Variants in CHLSN observed in about 807,000 individuals in gnomAD.
CHLSN encodes the protein cholesin, also known as protein cholesin.
chr7:1,009,946 T>C, the CHLSN span: 39 of 1,544,966 alleles, frequency 2.5e-5, no homozygotes, highest in Non-Finnish European at 3.4e-5. Context: ...GCAGGGCCGC[T>C]CACCTGCAGA....
the CHLSN span, among the ~76,000 whole-genome samples, chr7:1,121,121 C>T: frequency 8.9e-4 from 135 of 152,338 alleles, no homozygotes; most frequent in African/African-American, 3.0e-3. Flanking sequence ...GCTGCCTACG[C>T]GGGCTTCAGG....
the CHLSN span, chr7:1,045,534 G>A: frequency 6.6e-6 from 1 of 152,244 alleles, no homozygotes; most frequent in Admixed American, 6.5e-5. Context: ...GAGTAAAATG[G>A]TTCTGACCAT....
At chr7:1,053,977 G>A in the CHLSN span, among the ~76,000 whole-genome samples, 9 of 152,340 alleles carry the variant, frequency 5.9e-5, no homozygotes, top group South Asian at 2.1e-4. Flanking sequence ...GAGAGGAGGC[G>A]GGTCAAGGAG....
the CHLSN span, among the ~76,000 whole-genome samples, chr7:1,112,898 C>T: frequency 0.024 from 3,673 of 152,130 alleles, 51 homozygotes; most frequent in Non-Finnish European, 0.029. Context: ...TACCCCAGAG[C>T]GATGGAAACG....
chr7:997,111 A>G, the CHLSN span: 1 of 152,800 alleles, frequency 6.5e-6, no homozygotes, highest in African/African-American at 2.4e-5. Flanking sequence ...CATGACCCGC[A>G]ATGACGCTGT....
the CHLSN span, among the ~76,000 whole-genome samples, chr7:994,694 C>T: frequency 6.6e-6 from 1 of 152,216 alleles, no homozygotes; most frequent in East Asian, 1.9e-4. Flanking sequence ...CCCGCCTCTG[C>T]CTCCCAAAGT....
the CHLSN span, among the ~76,000 whole-genome samples, chr7:1,126,858 T>C: frequency 6.6e-6 from 1 of 152,100 alleles, no homozygotes; most frequent in African/African-American, 2.4e-5. Flanking sequence ...CACGAACATT[T>C]CTAGATGTGC....
the CHLSN span, among the ~76,000 whole-genome samples, chr7:999,336 G>A: frequency 7.2e-4 from 109 of 152,356 alleles, no homozygotes; most frequent in African/African-American, 2.5e-3. Context: ...CGGGCGTGAG[G>A]GTTTCCAGGC....
chr7:990,678 C>T, the CHLSN span, among the ~76,000 whole-genome samples: 67 of 152,230 alleles, frequency 4.4e-4, 1 homozygote, highest in South Asian at 0.01. Flanking sequence ...GATGGAGGCT[C>T]GGCTGCGTCC....
the CHLSN span, chr7:1,127,260 G>C: frequency 1.9e-6 from 3 of 1,596,890 alleles, no homozygotes; most frequent in African/African-American, 4.1e-5. Context: ...GCCTTACCTT[G>C]GAGCCGGCTC....
At chr7:982,365 G>A in the CHLSN span, among the ~76,000 whole-genome samples, 2 of 152,216 alleles carry the variant, frequency 1.3e-5, no homozygotes, top group East Asian at 1.9e-4. Flanking sequence ...GGAGGGTCCC[G>A]CCTGCTGGCA....
the CHLSN span, among the ~76,000 whole-genome samples, chr7:1,012,481 G>A: frequency 6.6e-6 from 1 of 152,250 alleles, no homozygotes; most frequent in African/African-American, 2.4e-5. Context: ...TGCTTCTTGT[G>A]TCAGGCACCA....
chr7:1,085,024 G>T, the CHLSN span, among the ~76,000 whole-genome samples: 1 of 152,254 alleles, frequency 6.6e-6, no homozygotes, highest in Non-Finnish European at 1.5e-5. Flanking sequence ...GGGCCTCTCA[G>T]CACAAGGACT....
chr7:1,007,406 G>A, the CHLSN span, among the ~76,000 whole-genome samples: 1 of 152,230 alleles, frequency 6.6e-6, no homozygotes, highest in Non-Finnish European at 1.5e-5. Flanking sequence ...CGTGGCCAGT[G>A]GTCCCCAGCA....
At chr7:1,019,212 C>CAGGG in the CHLSN span, among the ~76,000 whole-genome samples, 1 of 18,786 alleles carries the variant, frequency 5.3e-5, no homozygotes, top group Non-Finnish European at 1.2e-4. Flanking sequence ...AAAAAAAAAA[C>CAGGG]GGGGGGGGGG....
At chr7:1,119,292 C>T in the CHLSN span, among the ~76,000 whole-genome samples, 19 of 151,270 alleles carry the variant, frequency 1.3e-4, no homozygotes, top group East Asian at 2.6e-3. Flanking sequence ...AAATCAAAAA[C>T]GTAAATGTAA....
the CHLSN span, among the ~76,000 whole-genome samples, chr7:1,008,894 GCA>G: frequency 2.4e-5 from 2 of 84,372 alleles, no homozygotes; most frequent in Non-Finnish European, 2.3e-5. Flanking sequence ...GTATACACAT[GCA>G]CACACGTACA....
At chr7:1,117,281 C>T in the CHLSN span, among the ~76,000 whole-genome samples, 6 of 77,334 alleles carry the variant, frequency 7.8e-5, no homozygotes, top group Admixed American at 1.2e-4. Flanking sequence ...ATCACCGACG[C>T]CCACGCAGGA....
the CHLSN span, among the ~76,000 whole-genome samples, chr7:1,018,301 G>A: frequency 2.6e-5 from 4 of 152,188 alleles, no homozygotes; most frequent in South Asian, 2.1e-4. Flanking sequence ...AGTGACTAAC[G>A]AAAGCACGTC....
Sources: gnomAD v4.1 joint callset for allele counts (sites outside exome capture counted in the v4.1 genomes callset) on GRCh38, gnomAD v4.1.1 for gene constraint, MANE v1.5 for transcripts, NCBI Gene and HGNC (gene_info 2026-07-23, HGNC 2026-07-21) for gene names.